Variants in C12orf42 observed in about 807,000 individuals in gnomAD.
C12orf42 encodes the protein uncharacterized protein C12orf42.
A neutral mutation model predicts 21.6 loss-of-function variants in C12orf42; 25 were observed. That is an observed-to-expected ratio of 1.16 (90% CI 0.84 to 1.62). The LOEUF is 1.62. C12orf42 is among the 40% of genes most tolerant of loss of function. The pLI, the probability that C12orf42 is intolerant of heterozygous loss-of-function variation, is 0.00. For missense variants in C12orf42, 483 were observed against 459.3 expected (o/e 1.05, Z -0.47); for synonymous variants, 174 against 175.0 (o/e 0.99, Z 0.05).
At chr12:103,083,992 A>T in the C12orf42 span, among the ~76,000 whole-genome samples, 2 of 152,216 alleles carry the variant, frequency 1.3e-5, no homozygotes, top group South Asian at 4.1e-4. Context: ...TGGTATAGTA[A>T]GTATTTAGTA....
the C12orf42 span, among the ~76,000 whole-genome samples, chr12:103,541,846 T>C: frequency 6.0e-3 from 911 of 152,252 alleles, 8 homozygotes; most frequent in African/African-American, 0.02. Flanking sequence ...GTTATTGACT[T>C]TGAAACAAAA....
At chr12:103,388,286 A>G (rs1189197552) in intron 3 of C12orf42, among the ~76,000 whole-genome samples, 2 of 152,102 alleles carry the variant, frequency 1.3e-5, no homozygotes, top group Non-Finnish European at 2.9e-5. Flanking sequence ...TAGCTGATGT[A>G]ACAGGTCCCA....
At chr12:103,207,847 G>C in the C12orf42 span, among the ~76,000 whole-genome samples, 1 of 152,160 alleles carries the variant, frequency 6.6e-6, no homozygotes, top group African/African-American at 2.4e-5. Flanking sequence ...AAAAGAGAAA[G>C]ATTTTCATCA....
downstream of C12orf42, among the ~76,000 whole-genome samples, chr12:103,235,385 T>C (rs2033436975): frequency 6.6e-6 from 1 of 152,182 alleles, no homozygotes; most frequent in Admixed American, 6.5e-5. Flanking sequence ...TAGAAGTTTC[T>C]TTCCAACTTA....
chr12:103,464,318 T>C (rs984183049), intron 2 of C12orf42, among the ~76,000 whole-genome samples: 6 of 152,240 alleles, frequency 3.9e-5, no homozygotes, highest in African/African-American at 1.4e-4. Flanking sequence ...ATTTCTGTAA[T>C]GATCAGTGAT....
the C12orf42 span, among the ~76,000 whole-genome samples, chr12:103,555,051 CA>C: frequency 6.6e-6 from 1 of 152,166 alleles, no homozygotes; most frequent in East Asian, 1.9e-4. Flanking sequence ...TGGAAAATAG[CA>C]GGGTAGAGCT....
At chr12:103,299,027 T>C (rs1360996432), downstream of C12orf42, among the ~76,000 whole-genome samples, 1 of 152,198 alleles carries the variant, frequency 6.6e-6, no homozygotes, top group Non-Finnish European at 1.5e-5. Context: ...AGAGGCTCTA[T>C]TCTCACCTCA....
the C12orf42 span, among the ~76,000 whole-genome samples, chr12:103,555,120 T>C: frequency 6.6e-6 from 1 of 152,332 alleles, no homozygotes; most frequent in South Asian, 2.1e-4. Flanking sequence ...CACGGGTTCC[T>C]GGGTCCCACC....
intron 2 of C12orf42, among the ~76,000 whole-genome samples, chr12:103,454,915 T>A (rs988043656): frequency 2.0e-5 from 3 of 152,208 alleles, no homozygotes; most frequent in Non-Finnish European, 2.9e-5. Context: ...GGTAAGTGAC[T>A]TTTAGCCAGT....
At chr12:103,263,062 A>G (rs2034980368) in intron 10 of C12orf42, among the ~76,000 whole-genome samples, 1 of 152,154 alleles carries the variant, frequency 6.6e-6, no homozygotes, top group Non-Finnish European at 1.5e-5. Context: ...ACAGAAAACC[A>G]AATACCGCAT....
At chr12:103,563,397 G>A in the C12orf42 span, among the ~76,000 whole-genome samples, 1 of 152,168 alleles carries the variant, frequency 6.6e-6, no homozygotes, top group Admixed American at 6.5e-5. Context: ...AACAAGCCTA[G>A]CATTTAAGGG....
chr12:103,516,171 T>C, the C12orf42 span, among the ~76,000 whole-genome samples: 2 of 152,236 alleles, frequency 1.3e-5, no homozygotes. Flanking sequence ...GGACATAATA[T>C]AATCAGCCTG....
At chr12:103,161,436 C>A in the C12orf42 span, 1 of 152,016 alleles carries the variant, frequency 6.6e-6, no homozygotes, top group Non-Finnish European at 1.5e-5. Flanking sequence ...ATCTCCCTCT[C>A]TTGTAGATTT....
chr12:103,311,071 C>T (rs1481065211), intron 4 of C12orf42, among the ~76,000 whole-genome samples: 1 of 152,130 alleles, frequency 6.6e-6, no homozygotes, highest in Non-Finnish European at 1.5e-5. Context: ...CTTCAATATC[C>T]ACCTTTGTTT....
At chr12:103,181,959 G>A in the C12orf42 span, among the ~76,000 whole-genome samples, 160 of 152,292 alleles carry the variant, frequency 1.1e-3, no homozygotes, top group African/African-American at 3.6e-3. Flanking sequence ...CATGTCACTT[G>A]TAAGAATGAT....
intron 2 of C12orf42, among the ~76,000 whole-genome samples, chr12:103,431,557 G>A (rs1202383649): frequency 6.6e-6 from 1 of 152,142 alleles, no homozygotes; most frequent in Non-Finnish European, 1.5e-5. Context: ...GTTAAAAGGG[G>A]AAATGGTACT....
the C12orf42 span, among the ~76,000 whole-genome samples, chr12:103,231,677 G>A: frequency 3.0e-4 from 45 of 152,034 alleles, no homozygotes; most frequent in Non-Finnish European, 4.3e-4. Context: ...TACATCCATT[G>A]TCTGGATGTA....
chr12:103,071,928 T>C, the C12orf42 span, among the ~76,000 whole-genome samples: 1 of 152,176 alleles, frequency 6.6e-6, no homozygotes, highest in Non-Finnish European at 1.5e-5. Flanking sequence ...AAATGTGTCA[T>C]GATCCATCCC....
At chr12:103,547,343 A>G in the C12orf42 span, among the ~76,000 whole-genome samples, 1 of 152,250 alleles carries the variant, frequency 6.6e-6, no homozygotes, top group Non-Finnish European at 1.5e-5. Flanking sequence ...GAACATTTCC[A>G]TTATTGTAGA....
Sources: allele counts gnomAD v4.1 joint callset (sites outside exome capture counted in the v4.1 genomes callset), GRCh38; gene constraint gnomAD v4.1.1; transcripts MANE v1.5; gene names NCBI Gene and HGNC (gene_info 2026-07-23, HGNC 2026-07-21).